The following RXFP1 variants were observed in gnomAD, a reference collection of about 807,000 sequenced individuals.
The protein encoded by RXFP1 is relaxin family peptide receptor 1.
Under a neutral mutation model 89.8 loss-of-function variants are expected in RXFP1, and 73 were observed. The ratio of observed to expected loss-of-function variants is 0.81; its 90% CI spans 0.67 to 0.99. The LOEUF (loss-of-function observed/expected upper bound fraction) is 0.99, where lower values mean the gene tolerates loss of function less well. Ranked by LOEUF, RXFP1 falls within the 50% of genes least tolerant of loss-of-function variation. The probability of loss-of-function intolerance (pLI) is 0.00; values close to 1 mark genes in which losing one functional copy is unlikely to be tolerated. For synonymous variants in RXFP1, 277 were observed against 305.5 expected (o/e 0.91, Z 0.97); for missense variants, 793 against 895.5 (o/e 0.89, Z 1.46).
At chr4:158,641,048 T>C in intron 14 of RXFP1, among the ~76,000 whole-genome samples, 1 of 152,252 alleles carries the variant, frequency 6.6e-6, no homozygotes, top group East Asian at 1.9e-4. Context: ...ATTTAGATAC[T>C]GTCAGCTACC....
At chr4:158,557,558 G>T (rs1751574302) in intron 1 of RXFP1, among the ~76,000 whole-genome samples, 1 of 152,288 alleles carries the variant, frequency 6.6e-6, no homozygotes, top group African/African-American at 2.4e-5. Context: ...TAGTGCAGTT[G>T]TGACCATCAG....
rs77565809 is a variant in RXFP1, at chr4:158,573,717, C to T, written c.187+882C>T. On this transcript the variant is annotated intron_variant, in intron 2 of 17. Transcript: ENST00000307765. ...TGCCCAAGTTTGAACCTGGGTATGA[C>T]GATAAGCAATTATGTAAGCTTGAGA... Among the ~76,000 whole-genome samples the T allele has an allele frequency of 4.6e-5, 7 of 152,202 alleles. No homozygotes were observed. In the East Asian group the frequency reaches 1.4e-3, roughly 29 times the overall value.
At chr4:158,542,678 G>T (rs58650577) in intron 1 of RXFP1, among the ~76,000 whole-genome samples, 1 of 152,044 alleles carries the variant, frequency 6.6e-6, no homozygotes, top group Admixed American at 6.6e-5. Context: ...AAGTCATTTC[G>T]AAAGCCATAA....
chr4:158,648,168 C>CAT (rs896556570), intron 16 of RXFP1, among the ~76,000 whole-genome samples: 8 of 151,748 alleles, frequency 5.3e-5, no homozygotes, highest in Non-Finnish European at 8.8e-5. Context: ...AGCAAGAACC[C>CAT]ATCTCTAAAA....
intron 2 of RXFP1, among the ~76,000 whole-genome samples, chr4:158,576,504 C>T (rs1756234456): frequency 6.6e-6 from 1 of 152,046 alleles, no homozygotes; most frequent in Non-Finnish European, 1.5e-5. Context: ...ATCAAAAGCT[C>T]TGTTTTAATA....
At chr4:158,548,320 C>A (rs1041130904) in intron 1 of RXFP1, among the ~76,000 whole-genome samples, 24 of 152,120 alleles carry the variant, frequency 1.6e-4, no homozygotes, top group African/African-American at 5.6e-4. Context: ...TTCCTCCATC[C>A]CTTTATTGTG....
chr4:158,559,637 G>A (rs1248916637), intron 1 of RXFP1, among the ~76,000 whole-genome samples: 1 of 152,142 alleles, frequency 6.6e-6, no homozygotes, highest in Non-Finnish European at 1.5e-5. Flanking sequence ...TTTTATGGTT[G>A]ATGTATTTAC....
intron 13 of RXFP1, among the ~76,000 whole-genome samples, chr4:158,638,518 A>G (rs1248355075): frequency 6.6e-6 from 1 of 152,212 alleles, no homozygotes; most frequent in Non-Finnish European, 1.5e-5. Context: ...TTAAAAGATA[A>G]GCTTCAGGGC....
chr4:158,572,718 G>C lies in RXFP1; in HGVS notation c.70G>C (p.Asp24His). ...CTCAGTTTCTCATGGGGGTGGACAG[G>C]ATGTCAAGTGCTCCCTTGGCTATTT... ...GKYFSHGGGQ[D>H]VKCSLGYFPC... The change falls in exon 2 of 18, where the codon GAT becomes CAT. Residue 24 changes from aspartate to histidine, a missense_variant. By Grantham distance (81) the Asp-to-His change is moderately conservative (BLOSUM62 -1). Coordinates refer to ENST00000307765, the MANE Select transcript of RXFP1 (RefSeq NM_021634.4). 1 of 1,614,180 alleles carries C rather than the reference G, an allele frequency of 6.2e-7. No individual in the cohort carries two copies. The highest frequency in any genetic ancestry group is 8.5e-7 in the Non-Finnish European group (1 of 1,180,020).
At chr4:158,553,398 T>A (rs1750591544) in intron 1 of RXFP1, among the ~76,000 whole-genome samples, 1 of 152,102 alleles carries the variant, frequency 6.6e-6, no homozygotes, top group Non-Finnish European at 1.5e-5. Flanking sequence ...TTGATGATGC[T>A]TAAGAGAGAA....
At chr4:158,613,295 A>T (rs1284712779) in intron 8 of RXFP1, among the ~76,000 whole-genome samples, 2 of 152,230 alleles carry the variant, frequency 1.3e-5, no homozygotes, top group Admixed American at 6.5e-5. Context: ...TTAAAATAAG[A>T]TAACAATGAG....
At chr4:158,526,901 A>G (rs1742636393) in intron 1 of RXFP1, among the ~76,000 whole-genome samples, 1 of 151,742 alleles carries the variant, frequency 6.6e-6, no homozygotes, top group South Asian at 2.1e-4. Context: ...AACTCTCTCC[A>G]CCTCTCTCTC....
intron 15 of RXFP1, among the ~76,000 whole-genome samples, chr4:158,645,351 G>A (rs985332196): frequency 6.6e-6 from 1 of 152,142 alleles, no homozygotes. Flanking sequence ...ATCACCTTAT[G>A]CAAATTAAGG....
intron 13 of RXFP1, 129 bp from the exon 14 acceptor site, chr4:158,639,130 GT>G: frequency 1.8e-6 from 1 of 567,662 alleles, no homozygotes; most frequent in Non-Finnish European, 3.2e-6. Context: ...GGTGGGTTGA[GT>G]ATAATTATTT....
chr4:158,620,751 G>C (rs1408374914), intron 9 of RXFP1, among the ~76,000 whole-genome samples: 1 of 152,132 alleles, frequency 6.6e-6, no homozygotes, highest in Non-Finnish European at 1.5e-5. Context: ...TGAGTAAACA[G>C]TTTCAAAATA....
At chr4:158,592,888 G>T (rs1033088045) in intron 2 of RXFP1, among the ~76,000 whole-genome samples, 1 of 151,500 alleles carries the variant, frequency 6.6e-6, no homozygotes. Context: ...AGGAGTTAGA[G>T]ACCAGCCTGG....
At chr4:158,563,775 A>G (rs1752975915) in intron 1 of RXFP1, among the ~76,000 whole-genome samples, 1 of 151,472 alleles carries the variant, frequency 6.6e-6, no homozygotes, top group Admixed American at 6.6e-5. Flanking sequence ...CAGCGATCCC[A>G]TAAGATTACA....
intron 3 of RXFP1, among the ~76,000 whole-genome samples, chr4:158,598,848 C>T (rs780216128): frequency 2.0e-5 from 3 of 151,794 alleles, no homozygotes; most frequent in Non-Finnish European, 2.9e-5. Flanking sequence ...TAGACACTAT[C>T]ATTTGCCTTT....
At chr4:158,633,580 A>G in intron 12 of RXFP1, 104 bp downstream of exon 12, 1 of 664,722 alleles carries the variant, frequency 1.5e-6, no homozygotes, top group East Asian at 3.0e-5. Flanking sequence ...TGTGTAGTTG[A>G]GTAGCATTAG....
Sources: allele counts gnomAD v4.1 joint callset (sites outside exome capture counted in the v4.1 genomes callset), GRCh38; gene constraint gnomAD v4.1.1; transcripts MANE v1.5; gene names NCBI Gene and HGNC (gene_info 2026-07-23, HGNC 2026-07-21).